INSYN2B: variants seen among roughly 807,000 people sequenced by gnomAD.
The protein encoded by INSYN2B is protein INSYN2B.
INSYN2B carries 16 observed loss-of-function variants against 41.2 expected under a neutral mutation model. The ratio of observed to expected loss-of-function variants is 0.39; its 90% CI spans 0.26 to 0.59. The LOEUF is 0.59. INSYN2B is among the 20% of genes least tolerant of loss of function. The pLI, the probability that INSYN2B is intolerant of heterozygous loss-of-function variation, is 0.57. For synonymous variants in INSYN2B, 245 were observed against 244.4 expected (o/e 1.00, Z -0.02); for missense variants, 608 against 646.4 (o/e 0.94, Z 0.64).
At chr5:169,952,759 C>T (rs544121623) in intron 1 of INSYN2B, among the ~76,000 whole-genome samples, 3 of 152,076 alleles carry the variant, frequency 2.0e-5, no homozygotes, top group Non-Finnish European at 4.4e-5. Flanking sequence ...TTCCAAGCTT[C>T]GTTTGATGCC....
intron 1 of INSYN2B, among the ~76,000 whole-genome samples, chr5:169,892,190 T>C (rs1050236814): frequency 2.0e-5 from 3 of 151,814 alleles, no homozygotes; most frequent in South Asian, 4.2e-4. Context: ...TTCTAGAAAA[T>C]GTAGGGGACT....
intron 1 of INSYN2B, among the ~76,000 whole-genome samples, chr5:169,908,713 CTTTT>C (rs34261104): frequency 6.7e-5 from 7 of 105,068 alleles, no homozygotes; most frequent in Admixed American, 3.2e-4. Flanking sequence ...TTTCTTTTTT[CTTTT>C]TTTTTTTTTT....
At chr5:169,866,250 A>G (rs554715846) in intron 3 of INSYN2B, among the ~76,000 whole-genome samples, 1 of 152,106 alleles carries the variant, frequency 6.6e-6, no homozygotes, top group South Asian at 2.1e-4. Context: ...GGCCCTCTCT[A>G]TGGGGACATA....
rs117554675 is a variant in INSYN2B at position 169,896,436 on chromosome 5, A to G, written c.-918-11620T>C. Among the ~76,000 whole-genome samples, 772 of 152,254 alleles carry G rather than the reference A, an allele frequency of 5.1e-3. 7 individuals carry two copies. Among genetic ancestry groups the G allele is most frequent in the African/African-American group, 0.015 (618 of 41,534 alleles). ...ATTTTCTGCATCTTTGTTGGAGGGT[A>G]AATTACTTAACCTCTCTGGGCTATG... On this transcript the variant is annotated intron_variant, in intron 1 of 3. Coordinates refer to ENST00000377365, the MANE Select transcript of INSYN2B (RefSeq NM_001129891.3).
Position 169,883,363 on chromosome 5 carries a change from C to T in INSYN2B, c.536G>A (p.Ser179Asn). 1 of 1,551,720 alleles carries T rather than the reference C, an allele frequency of 6.4e-7. No homozygotes were observed. The highest frequency in any genetic ancestry group is 8.7e-7 in the Non-Finnish European group (1 of 1,146,978). Residue 179 changes from serine (S) to asparagine (N), a missense_variant, in exon 2 of 4, where the codon AGC becomes AAC. Transcript: ENST00000377365. The stretch of plus-strand genomic sequence containing the variant: ...CAAGCATATGCTAACAGGACCATTG[C>T]TTTGCACCTTGGGGACCCTTGGGAG... ...AFLPRVPKVQ[S>N]NGPVSICLEA...
intron 1 of INSYN2B, among the ~76,000 whole-genome samples, chr5:169,887,807 A>G (rs1162333145): frequency 6.6e-6 from 1 of 152,132 alleles, no homozygotes; most frequent in Non-Finnish European, 1.5e-5. Flanking sequence ...CCATGTTACC[A>G]CTCATCCTTC....
rs1433698609 is a variant in INSYN2B at position 169,972,590 on chromosome 5, A to AGAT, written c.-919+7684_-919+7686dup. 8.9e-3 allele frequency among the ~76,000 whole-genome samples: 1,037 copies of AGAT among 115,906 alleles called. 8 individuals carry two copies. Among genetic ancestry groups the AGAT allele is most frequent in the Non-Finnish European group, 0.013 (741 of 56,690 alleles). The allele number at this position is 115,906 out of a possible 152,430, so 76.0% of individuals were successfully genotyped here. ...ATAGATAGATAGATAGATAGATGAT[A>AGAT]GATAGATAGATAGATAGATAGATAG... is the stretch of plus-strand genomic sequence containing the variant. On this transcript the variant is annotated intron_variant, in intron 1 of 3. Coordinates refer to ENST00000377365, the MANE Select transcript of INSYN2B (RefSeq NM_001129891.3).
chr5:169,878,432 T>C (rs1327975573), intron 3 of INSYN2B, among the ~76,000 whole-genome samples: 1 of 152,232 alleles, frequency 6.6e-6, no homozygotes, highest in Non-Finnish European at 1.5e-5. Flanking sequence ...AAAAAGTATT[T>C]AAAAGGACTA....
intron 3 of INSYN2B, among the ~76,000 whole-genome samples, chr5:169,872,270 G>A (rs985539131): frequency 2.6e-5 from 4 of 152,182 alleles, no homozygotes; most frequent in Middle Eastern, 3.2e-3. Context: ...TGGATGCAGC[G>A]AGAGTAGTTT....
chr5:169,906,964 G>T (rs1459695856), intron 1 of INSYN2B, among the ~76,000 whole-genome samples: 1 of 152,144 alleles, frequency 6.6e-6, no homozygotes, highest in Non-Finnish European at 1.5e-5. Context: ...ATTGAGTTCT[G>T]CTATGAGTCA....
intron 1 of INSYN2B, among the ~76,000 whole-genome samples, chr5:169,912,531 A>G (rs1774656363): frequency 1.3e-5 from 2 of 152,188 alleles, no homozygotes; most frequent in Admixed American, 1.3e-4. Context: ...CCCTGTCTTA[A>G]TAACTACTCC....
At chr5:169,979,109 A>G (rs955286066) in intron 1 of INSYN2B, among the ~76,000 whole-genome samples, 23 of 152,118 alleles carry the variant, frequency 1.5e-4, no homozygotes, top group African/African-American at 5.6e-4. Flanking sequence ...CGGGATGAAA[A>G]GAGGGGGATT....
chr5:169,911,595 G>T (rs974524122), intron 1 of INSYN2B, among the ~76,000 whole-genome samples: 2 of 152,140 alleles, frequency 1.3e-5, no homozygotes, highest in Non-Finnish European at 2.9e-5. Context: ...TACCCTTCAG[G>T]CTTCATTTCA....
intron 1 of INSYN2B, among the ~76,000 whole-genome samples, chr5:169,919,034 G>C (rs776308568): frequency 3.9e-5 from 6 of 152,176 alleles, no homozygotes; most frequent in Admixed American, 6.5e-5. Flanking sequence ...GATGGGTTTG[G>C]ATTCAATATG....
intron 1 of INSYN2B, among the ~76,000 whole-genome samples, chr5:169,900,867 A>G (rs1773883297): frequency 6.6e-6 from 1 of 152,192 alleles, no homozygotes; most frequent in Non-Finnish European, 1.5e-5. Context: ...AAGTAAAGTG[A>G]TAAAACCCAG....
intron 1 of INSYN2B, among the ~76,000 whole-genome samples, chr5:169,887,126 C>T (rs6893156): frequency 0.02 from 2,989 of 152,254 alleles, 99 homozygotes; most frequent in African/African-American, 0.069. Flanking sequence ...GGCCTTCCTG[C>T]CTTCTTCAGG....
At chr5:169,888,378 G>A (rs1773095584) in intron 1 of INSYN2B, among the ~76,000 whole-genome samples, 1 of 152,156 alleles carries the variant, frequency 6.6e-6, no homozygotes, top group African/African-American at 2.4e-5. Flanking sequence ...CTGCCCTACG[G>A]CTGGAATTAT....
intron 1 of INSYN2B, among the ~76,000 whole-genome samples, chr5:169,976,437 G>C (rs2113774471): frequency 6.6e-6 from 1 of 152,262 alleles, no homozygotes; most frequent in East Asian, 1.9e-4. Flanking sequence ...CTGTGCCTCT[G>C]GCACCTAGCA....
At chr5:169,929,768 A>C (rs899279562) in intron 1 of INSYN2B, among the ~76,000 whole-genome samples, 3 of 146,410 alleles carry the variant, frequency 2.0e-5, no homozygotes, top group Non-Finnish European at 3.0e-5. Context: ...AAAAAGAGAG[A>C]GAGAGAAAGA....
Sources: gnomAD v4.1 joint callset for allele counts (sites outside exome capture counted in the v4.1 genomes callset) on GRCh38, gnomAD v4.1.1 for gene constraint, MANE v1.5 for transcripts, NCBI Gene and HGNC (gene_info 2026-07-23, HGNC 2026-07-21) for gene names.